PCDHA7: variants seen among roughly 807,000 people sequenced by gnomAD.
The protein encoded by PCDHA7 is protocadherin alpha 7.
Under a neutral mutation model 57.2 loss-of-function variants are expected in PCDHA7, and 37 were observed. That is an observed-to-expected ratio of 0.65 (90% CI 0.50 to 0.85). The LOEUF (loss-of-function observed/expected upper bound fraction) is 0.85, where lower values mean the gene tolerates loss of function less well. Among genes scored for constraint, PCDHA7 ranks in the 40% least tolerant of loss-of-function variants. The pLI is 0.00. For synonymous variants in PCDHA7, 553 were observed against 558.8 expected, an observed-to-expected ratio of 0.99 and a Z score of 0.15; for missense variants, 1,188 against 1,241.8, an observed-to-expected ratio of 0.96 and a Z score of 0.65.
rs192376340 is a variant in PCDHA7 at position 140,857,538 on chromosome 5, G to A, written c.2355+20800G>A. The A allele has an allele frequency of 8.8e-6, 14 of 1,597,348 alleles. No individual in the cohort carries two copies. In the East Asian group the frequency reaches 3.1e-4, roughly 36 times the overall value. On this transcript the variant is annotated intron_variant, in intron 1 of 3. Transcript: ENST00000525929. ...GTGTCCTACTCTCTGGTGGAGCGGC[G>A]GTTGGGCGAGCGCTCGCTGTCGAGC... is the stretch of plus-strand genomic sequence containing the variant.
intron 1 of PCDHA7, among the ~76,000 whole-genome samples, chr5:140,914,155 A>G (rs1432406316): frequency 6.6e-6 from 1 of 152,188 alleles, no homozygotes; most frequent in Admixed American, 6.5e-5. Flanking sequence ...GTTCTGTCCA[A>G]TACGGAAAGT....
chr5:140,941,673 A>T (rs1217189957), intron 1 of PCDHA7, among the ~76,000 whole-genome samples: 1 of 152,024 alleles, frequency 6.6e-6, no homozygotes, highest in Non-Finnish European at 1.5e-5. Context: ...TGTCAAGTTC[A>T]ATATTCTGTT....
At position 141,011,042 on chromosome 5, in the gene PCDHA7, T is replaced by G. The variant is rs915588789; in HGVS notation, c.*1105T>G. 6.5e-6 allele frequency: 1 copy of G among 153,796 alleles called. No individual in the cohort carries two copies. The highest frequency in any genetic ancestry group is 2.4e-5 in the African/African-American group (1 of 41,464). The allele number at this position is 153,796 out of a possible 1,614,324, so 9.5% of individuals were successfully genotyped here. A position where few individuals can be genotyped will look rare whatever the true frequency, so the allele number is the denominator to read the frequency against. On this transcript the variant is annotated 3_prime_UTR_variant, in exon 4 of 4. Transcript: ENST00000525929. ...TCACAGCTTTACTCTTTCAGGTCACTCTGGGGCTGCCTCTTGCATGTATTA... is the reference window on the plus strand; with the variant it reads ...TCACAGCTTTACTCTTTCAGGTCACGCTGGGGCTGCCTCTTGCATGTATTA...
chr5:141,010,618 G>T lies in PCDHA7; in HGVS notation c.*681G>T. The T allele has an allele frequency of 5.2e-6, 1 of 191,706 alleles. No individual in the cohort carries two copies. The highest frequency in any genetic ancestry group is 1.1e-5 in the Non-Finnish European group (1 of 92,168). 11.9% of individuals were successfully genotyped at this position (191,706 alleles called of 1,614,324 possible). ...TGTGACGTCATTATACCTAAAATCT[G>T]CATCATACCTGCAAGCCAACAGTTC... is the stretch of plus-strand genomic sequence containing the variant. On this transcript the variant is annotated 3_prime_UTR_variant, in exon 4 of 4. Coordinates refer to ENST00000525929, the MANE Select transcript of PCDHA7 (RefSeq NM_018910.3).
intron 1 of PCDHA7, chr5:140,927,951 T>G: frequency 6.2e-7 from 1 of 1,614,198 alleles, no homozygotes; most frequent in Non-Finnish European, 8.5e-7. Context: ...CTGAGGACGC[T>G]GCCCCTGGCA....
At chr5:140,921,435 A>C (rs997660613) in intron 1 of PCDHA7, among the ~76,000 whole-genome samples, 4 of 152,120 alleles carry the variant, frequency 2.6e-5, no homozygotes, top group African/African-American at 4.8e-5. Flanking sequence ...ATTTTCTTCA[A>C]TGGTGTCTGA....
intron 1 of PCDHA7, among the ~76,000 whole-genome samples, chr5:140,844,861 A>G (rs1302890779): frequency 2.7e-5 from 4 of 149,288 alleles, no homozygotes; most frequent in African/African-American, 4.9e-5. Flanking sequence ...ACCTGCCTGG[A>G]TATTAAATAC....
chr5:140,860,471 C>T (rs566732753), intron 1 of PCDHA7: 1 of 152,040 alleles, frequency 6.6e-6, no homozygotes, highest in Admixed American at 6.6e-5. Context: ...ACAGTTGGTG[C>T]AGTAGTACTT....
chr5:140,892,468 C>T (rs1184778883), intron 1 of PCDHA7, among the ~76,000 whole-genome samples: 10 of 152,150 alleles, frequency 6.6e-5, no homozygotes, highest in Admixed American at 3.3e-4. Flanking sequence ...TACGGTTATT[C>T]AGTTTCCTAG....
Position 140,836,049 on chromosome 5 carries a change from C to T in PCDHA7, c.1666C>T (p.Leu556=), listed in dbSNP as rs1223853934. ...CAACGTGACGCTGCAGGTGTTCGTG[C>T]TGGACGAGAACGACAACGCGCCGGC... ...GSNVTLQVFV[L]DENDNAPALL... is the part of the protein sequence containing the mutation. The change falls in exon 1 of 4, where the codon CTG becomes TTG. Residue 556 remains leucine (L), a synonymous_variant. Transcript: ENST00000525929. 4 of 1,613,294 alleles carry T rather than the reference C, an allele frequency of 2.5e-6. No homozygotes were observed. The South Asian group carries it at 3.3e-5, about 13-fold the overall frequency.
chr5:140,858,100 C>T lies in PCDHA7; in HGVS notation c.2355+21362C>T, dbSNP rs368579908. ...AGGCCTCGTCGCGGGCTTCAGTGGG[C>T]GTGGCGCCCGAGGTGGCCCTGGTGG... On this transcript the variant is annotated intron_variant, in intron 1 of 3. Coordinates refer to ENST00000525929, the MANE Select transcript of PCDHA7 (RefSeq NM_018910.3). 202 of 1,597,586 alleles carry T rather than the reference C, an allele frequency of 1.3e-4. 22 individuals are homozygous for T. The highest frequency in any genetic ancestry group is 1.7e-4 in the Non-Finnish European group (196 of 1,167,684).
chr5:140,875,441 T>C (rs781902185), intron 1 of PCDHA7: 1 of 1,570,886 alleles, frequency 6.4e-7, no homozygotes, highest in Admixed American at 1.9e-5. Flanking sequence ...TTAAAACTGA[T>C]TGTCCCAACT....
chr5:140,920,716 C>T (rs1456008356), intron 1 of PCDHA7, among the ~76,000 whole-genome samples: 3 of 151,916 alleles, frequency 2.0e-5, no homozygotes, highest in South Asian at 2.1e-4. Flanking sequence ...TGGTGGTGTG[C>T]GCCTGCAGTC....
rs2098415068 is a variant in PCDHA7, at chr5:141,009,865, AAAG to A, written c.2749_2751del (p.Lys917del). The A allele has an allele frequency of 3.1e-6, 5 of 1,614,074 alleles. No homozygotes were observed. The highest frequency in any genetic ancestry group is 4.5e-5 in the East Asian group (2 of 44,872). On this transcript the variant is annotated inframe_deletion, in exon 4 of 4. Transcript: ENST00000525929. ...AGGAGGAGACCAAGAAAAAGAAGAA[AAAG>A]AAGAAGGGTAACAAGACCCAGGAGA...
At chr5:140,861,319 C>G (rs781885907) in intron 1 of PCDHA7, 29 of 220,020 alleles carry the variant, frequency 1.3e-4, no homozygotes, top group Non-Finnish European at 2.1e-4. Context: ...ACCAGTTCCA[C>G]TACACCATCC....
At chr5:140,967,954 C>T in intron 1 of PCDHA7, 1 of 1,614,208 alleles carries the variant, frequency 6.2e-7, no homozygotes, top group Non-Finnish European at 8.5e-7. Flanking sequence ...ACTCAGGCCC[C>T]AACCGGAAAG....
intron 3 of PCDHA7, among the ~76,000 whole-genome samples, chr5:140,993,683 G>A (rs2097577653): frequency 6.6e-6 from 1 of 152,080 alleles, no homozygotes; most frequent in Non-Finnish European, 1.5e-5. Flanking sequence ...TGTGACAGCT[G>A]TCCCATAAGA....
chr5:140,890,726 T>C (rs2062772984), intron 1 of PCDHA7, among the ~76,000 whole-genome samples: 1 of 152,214 alleles, frequency 6.6e-6, no homozygotes. Context: ...TTTAATCCCT[T>C]TTGACTTATA....
intron 1 of PCDHA7, among the ~76,000 whole-genome samples, chr5:140,891,795 A>T (rs2063252569): frequency 6.6e-6 from 1 of 152,178 alleles, no homozygotes; most frequent in South Asian, 2.1e-4. Flanking sequence ...ATTATGAGGG[A>T]TCTGCCCTCA....
Sources: allele counts gnomAD v4.1 joint callset (sites outside exome capture counted in the v4.1 genomes callset), GRCh38; gene constraint gnomAD v4.1.1; transcripts MANE v1.5; gene names NCBI Gene and HGNC (gene_info 2026-07-23, HGNC 2026-07-21).